Variants in TDRD1 observed in about 807,000 individuals in gnomAD.
TDRD1 encodes tudor domain-containing protein 1.
Under a neutral mutation model 140.6 loss-of-function variants are expected in TDRD1, and 37 were observed. The observed-to-expected ratio is 0.26, with a 90% CI of 0.20 to 0.35. The LOEUF (loss-of-function observed/expected upper bound fraction) is 0.35. TDRD1 is among the 10% of genes least tolerant of loss of function. The probability of loss-of-function intolerance (pLI) is 1.00; values close to 1 mark genes in which losing one functional copy is unlikely to be tolerated. For synonymous variants in TDRD1, 506 were observed against 475.7 expected, an observed-to-expected ratio of 1.06 and a Z score of -0.83; for missense variants, 1,243 against 1,393.0, an observed-to-expected ratio of 0.89 and a Z score of 1.71.
intron 13 of TDRD1, 74 bp downstream of exon 13, chr10:114,211,041 T>C (rs1293682951): frequency 3.3e-6 from 4 of 1,195,376 alleles, no homozygotes; most frequent in Non-Finnish European, 3.5e-6. Flanking sequence ...TAAAAACCAT[T>C]GAAACAGAGT....
chr10:114,221,494 G>A lies in TDRD1; in HGVS notation c.2890+18G>A. 1 of 1,609,124 alleles carries A rather than the reference G, an allele frequency of 6.2e-7. No homozygotes were observed. The highest frequency in any genetic ancestry group is 8.5e-7 in the Non-Finnish European group (1 of 1,177,882). ...GATGCCAGGTAAGAAACCAAAATTT[G>A]AGACATATTTATGCTCATCTTTTAA... On this transcript the variant is annotated intron_variant, in intron 20 of 25. Coordinates refer to ENST00000251864, the Ensembl canonical transcript of TDRD1.
At chr10:114,223,454 C>T (rs2036261341) in intron 21 of TDRD1, among the ~76,000 whole-genome samples, 1 of 152,234 alleles carries the variant, frequency 6.6e-6, no homozygotes, top group South Asian at 2.1e-4. Flanking sequence ...TCAAAACCCC[C>T]CATCTGGATC....
chr10:114,213,564 C>G, exon 15 of TDRD1: 1 of 1,613,744 alleles, frequency 6.2e-7, no homozygotes, highest in Non-Finnish European at 8.5e-7. Flanking sequence ...GACAGATAAA[C>G]CCAGTGACGT....
chr10:114,200,212 T>C (rs190547528), intron 4 of TDRD1, among the ~76,000 whole-genome samples: 1 of 152,350 alleles, frequency 6.6e-6, no homozygotes, highest in East Asian at 1.9e-4. Flanking sequence ...TTGCATGGCA[T>C]TTACCAGTTT....
chr10:114,225,687 A>G (rs944884096), intron 21 of TDRD1, among the ~76,000 whole-genome samples: 1 of 152,178 alleles, frequency 6.6e-6, no homozygotes, highest in South Asian at 2.1e-4. Flanking sequence ...TGGCAAGACT[A>G]TCTCTACCAA....
At chr10:114,182,136 C>G (rs533560454) in intron 1 of TDRD1, among the ~76,000 whole-genome samples, 28 of 152,268 alleles carry the variant, frequency 1.8e-4, no homozygotes, top group South Asian at 4.1e-4. Context: ...GCTGCCAACC[C>G]GTGTCTGGAA....
intron 18 of TDRD1, among the ~76,000 whole-genome samples, chr10:114,220,220 G>A (rs2036057426): frequency 6.6e-6 from 1 of 152,216 alleles, no homozygotes; most frequent in Non-Finnish European, 1.5e-5. Context: ...AAAGGTGGCA[G>A]TATATCAGCT....
chr10:114,203,744 C>T (rs2034919187), intron 8 of TDRD1, among the ~76,000 whole-genome samples, 177 bp downstream of exon 8: 1 of 152,198 alleles, frequency 6.6e-6, no homozygotes, highest in African/African-American at 2.4e-5. Flanking sequence ...TCTTACTCCT[C>T]TCCAACTCTG....
chr10:114,211,456 C>T (rs929422821), intron 13 of TDRD1, among the ~76,000 whole-genome samples: 19 of 152,190 alleles, frequency 1.2e-4, no homozygotes, highest in African/African-American at 3.6e-4. Flanking sequence ...GAAGGGGAGA[C>T]GCAGTAATCC....
chr10:114,231,439 AG>A, intron 25 of TDRD1: 1 of 1,490,656 alleles, frequency 6.7e-7, no homozygotes, highest in Non-Finnish European at 9.2e-7. Flanking sequence ...ATAGCAATTG[AG>A]TTTTTGTGTA....
chr10:114,212,565 C>T (rs545809059), intron 14 of TDRD1, among the ~76,000 whole-genome samples: 71 of 152,294 alleles, frequency 4.7e-4, no homozygotes, highest in Non-Finnish European at 8.5e-4. Flanking sequence ...AATTTCAATT[C>T]GCCTCATTAC....
intron 3 of TDRD1, among the ~76,000 whole-genome samples, chr10:114,196,133 T>G (rs996676055): frequency 1.3e-5 from 2 of 152,192 alleles, no homozygotes; most frequent in African/African-American, 4.8e-5. Flanking sequence ...AGAAAGTCTA[T>G]TGTACTTACT....
At chr10:114,203,671 C>G in intron 8 of TDRD1, 104 bp downstream of exon 8, 1 of 1,009,080 alleles carries the variant, frequency 9.9e-7, no homozygotes, top group Non-Finnish European at 1.4e-6. Flanking sequence ...TTAAAGCCAG[C>G]CTCTGATCAC....
intron 21 of TDRD1, among the ~76,000 whole-genome samples, chr10:114,225,598 G>A (rs1001239428): frequency 6.6e-5 from 10 of 151,342 alleles, no homozygotes; most frequent in Admixed American, 5.3e-4. Flanking sequence ...AGTGGCTCAC[G>A]CCTGTAATCC....
At chr10:114,201,220 G>C (rs546475774) in intron 4 of TDRD1, among the ~76,000 whole-genome samples, 190 bp from the exon 5 acceptor site, 32 of 152,202 alleles carry the variant, frequency 2.1e-4, no homozygotes, top group Admixed American at 2.0e-3. Context: ...GTCCCAGTCT[G>C]ATCTCCCTTT....
rs778857024 is a variant in TDRD1, at chr10:114,190,927, G to C, written c.326-34G>C. 4 of 1,598,502 alleles carry C rather than the reference G, an allele frequency of 2.5e-6. No homozygotes were observed. In the East Asian group the frequency reaches 8.9e-5, roughly 36 times the overall value. On this transcript the variant is annotated intron_variant, in intron 2 of 25. Transcript: ENST00000251864. ...TTATTAGCAATAAAAAGTATTATTT[G>C]GCTTTTATTTGAAATTGTGTTTTTC...
chr10:114,189,116 C>T (rs2033771872), intron 2 of TDRD1, among the ~76,000 whole-genome samples: 1 of 152,186 alleles, frequency 6.6e-6, no homozygotes, highest in Non-Finnish European at 1.5e-5. Context: ...AAGGCAGGAG[C>T]GCCAACCTGA....
intron 21 of TDRD1, among the ~76,000 whole-genome samples, chr10:114,223,981 G>A (rs951202050): frequency 1.3e-5 from 2 of 152,116 alleles, no homozygotes; most frequent in South Asian, 2.1e-4. Context: ...TTTCCTGGAC[G>A]GCACTTCTGC....
intron 3 of TDRD1, among the ~76,000 whole-genome samples, chr10:114,195,353 TGTTG>T (rs1352120441): frequency 1.3e-5 from 2 of 152,204 alleles, no homozygotes; most frequent in Non-Finnish European, 2.9e-5. Context: ...TAATAGCTCC[TGTTG>T]GTTGGTTATG....
Sources: allele counts gnomAD v4.1 joint callset (sites outside exome capture counted in the v4.1 genomes callset), GRCh38; gene constraint gnomAD v4.1.1; transcripts MANE v1.5; gene names NCBI Gene and HGNC (gene_info 2026-07-23, HGNC 2026-07-21).